The following PCDHGA8 variants were observed in gnomAD, a reference collection of about 807,000 sequenced individuals.
PCDHGA8 encodes protocadherin gamma-A8.
In PCDHGA8, 45 loss-of-function variants were observed where a neutral mutation model predicts 59.2. That is an observed-to-expected ratio of 0.76 (90% CI 0.60 to 0.98). PCDHGA8 has a LOEUF of 0.98. PCDHGA8 is among the 50% of genes least tolerant of loss of function. The pLI is 0.00. For missense variants in PCDHGA8, 1,257 were observed against 1,196.2 expected (o/e 1.05, Z -0.75); for synonymous variants, 531 against 519.0 (o/e 1.02, Z -0.32).
Position 141,404,333 on chromosome 5 carries a change from C to T in PCDHGA8, c.2424+9096C>T, listed in dbSNP as rs181615917. On this transcript the variant is annotated intron_variant, in intron 1 of 3. Transcript: ENST00000398604. ...CTCTCAAGCCTCCTACTCAGTCTACCTCCCGGAAAACAACGCCAGAGGTAC... is the reference window on the plus strand; with the variant it reads ...CTCTCAAGCCTCCTACTCAGTCTACTTCCCGGAAAACAACGCCAGAGGTAC... The T allele has an allele frequency of 3.8e-5, 62 of 1,613,854 alleles. No homozygotes were observed. The East Asian group carries it at 8.5e-4, about 22-fold the overall frequency.
chr5:141,408,527 G>T lies in PCDHGA8; in HGVS notation c.2424+13290G>T, dbSNP rs1239443007. ...AAGATGTGAGTTGCAATTGGAAGCT[G>T]TGGTGGAAAATCCTTTAAATATTTT... On this transcript the variant is annotated intron_variant, in intron 1 of 3. Coordinates refer to ENST00000398604, the MANE Select transcript of PCDHGA8 (RefSeq NM_032088.2). 2.5e-6 allele frequency: 4 copies of T among 1,613,954 alleles called. No homozygotes were observed. The African/African-American group carries it at 5.3e-5, about 22-fold the overall frequency.
intron 1 of PCDHGA8, among the ~76,000 whole-genome samples, chr5:141,401,848 T>C (rs1476670200): frequency 6.6e-6 from 1 of 152,230 alleles, no homozygotes; most frequent in Non-Finnish European, 1.5e-5. Flanking sequence ...TACCACTTAC[T>C]TTTAACCTTT....
intron 1 of PCDHGA8, chr5:141,423,612 T>G: frequency 6.2e-7 from 1 of 1,611,004 alleles, no homozygotes; most frequent in Non-Finnish European, 8.5e-7. Flanking sequence ...TCTTGATAGC[T>G]GAAGACTCAG....
At chr5:141,507,810 G>C (rs550331241) in intron 3 of PCDHGA8, among the ~76,000 whole-genome samples, 5 of 152,172 alleles carry the variant, frequency 3.3e-5, no homozygotes, top group Non-Finnish European at 2.9e-5. Context: ...CCTGGGGAAC[G>C]GACCCTGGGG....
In PCDHGA8 at chr5:141,512,809, A is replaced by C. The variant is rs2099884438; in HGVS notation, c.*1636A>C. ...GTGTTTTGTGCTGTGTCCACGCGCT[A>C]AGGCGACCCCCTCCCCCGTACTGAC... On this transcript the variant is annotated 3_prime_UTR_variant, in exon 4 of 4. Coordinates refer to ENST00000398604, the MANE Select transcript of PCDHGA8 (RefSeq NM_032088.2). 6.6e-6 allele frequency: 1 copy of C among 152,130 alleles called. No homozygotes were observed. The highest frequency in any genetic ancestry group is 2.4e-5 in the African/African-American group (1 of 41,404). The allele number at this position is 152,130 out of a possible 1,614,324, so 9.4% of individuals were successfully genotyped here. A position where few individuals can be genotyped will look rare whatever the true frequency, so the allele number is the denominator to read the frequency against.
chr5:141,501,635 T>G (rs553343946), intron 2 of PCDHGA8, among the ~76,000 whole-genome samples: 1 of 152,236 alleles, frequency 6.6e-6, no homozygotes, highest in African/African-American at 2.4e-5. Flanking sequence ...TCTCAACCTC[T>G]CTGAGCCCTG....
At chr5:141,419,182 C>T in intron 1 of PCDHGA8, 2 of 1,613,986 alleles carry the variant, frequency 1.2e-6, no homozygotes, top group Non-Finnish European at 1.7e-6. Context: ...TAACCCTGCA[C>T]ATTACTGACG....
At chr5:141,427,840 A>C (rs779622800) in intron 1 of PCDHGA8, 8 of 1,548,180 alleles carry the variant, frequency 5.2e-6, no homozygotes, top group Admixed American at 3.3e-5. Flanking sequence ...CGTGCCTTCG[A>C]CCACGAGCAG....
Position 141,478,910 on chromosome 5 carries a change from A to G in PCDHGA8, c.2425-15897A>G, listed in dbSNP as rs568573298. On this transcript the variant is annotated intron_variant, in intron 1 of 3. Transcript: ENST00000398604. ...ATTTACATTAGGAATAAGCTGCTGG[A>G]TACCTCTAACCAGTGGCAGCTTCTA... 5.3e-4 allele frequency: 474 copies of G among 893,806 alleles called. 7 individuals are homozygous for G. The South Asian group carries it at 6.8e-3, about 13-fold the overall frequency. 55.4% of individuals were successfully genotyped at this position (893,806 alleles called of 1,614,324 possible).
intron 1 of PCDHGA8, among the ~76,000 whole-genome samples, chr5:141,464,454 A>G (rs999305559): frequency 6.6e-6 from 1 of 151,542 alleles, no homozygotes; most frequent in Non-Finnish European, 1.5e-5. Context: ...TGTTGTTGTT[A>G]TTTTTGAAGT....
At chr5:141,494,991 G>A in intron 2 of PCDHGA8, 126 bp downstream of exon 2, 1 of 1,551,148 alleles carries the variant, frequency 6.4e-7, no homozygotes, top group Non-Finnish European at 8.7e-7. Context: ...AGATCCCAGG[G>A]AGGTCTTGGT....
chr5:141,468,315 C>T (rs1197043569), intron 1 of PCDHGA8: 4 of 120,552 alleles, frequency 3.3e-5, no homozygotes, highest in Non-Finnish European at 5.0e-5. Context: ...ACAAGAGCAA[C>T]GGTAAACTCC....
At chr5:141,461,281 C>T (rs1305044383) in intron 1 of PCDHGA8, among the ~76,000 whole-genome samples, 1 of 152,050 alleles carries the variant, frequency 6.6e-6, no homozygotes, top group Non-Finnish European at 1.5e-5. Flanking sequence ...CTCTTTTCCC[C>T]ACATCCACAC....
In PCDHGA8 at chr5:141,394,824, G is replaced by C. The variant is rs200702899; in HGVS notation, c.2011G>C (p.Val671Leu). The C allele has an allele frequency of 8.2e-4, 1,326 of 1,613,856 alleles. 15 individuals are homozygous for C. The highest frequency in any genetic ancestry group is 9.3e-4 in the Admixed American group (56 of 60,030). Reference protein sequence around the residue: ...TVAVADSIPEVLTELGSLKPS... With the variant: ...TVAVADSIPELLTELGSLKPS... ...AGCCGTGGCTGACAGCATCCCCGAA[G>C]TCCTGACCGAGTTGGGCAGTCTGAA... Residue 671 changes from valine to leucine, a missense_variant, in exon 1 of 4, where the codon GTC becomes CTC. Transcript: ENST00000398604.
At chr5:141,402,091 G>A (rs1453803021) in intron 1 of PCDHGA8, among the ~76,000 whole-genome samples, 2 of 152,204 alleles carry the variant, frequency 1.3e-5, no homozygotes, top group African/African-American at 4.8e-5. Context: ...TAGCAGAAAA[G>A]TTTAAGCAAT....
intron 1 of PCDHGA8, among the ~76,000 whole-genome samples, chr5:141,465,343 TG>T (rs1048302340): frequency 1.5e-4 from 23 of 152,118 alleles, no homozygotes; most frequent in African/African-American, 5.3e-4. Flanking sequence ...TATTGGTTAC[TG>T]AAGAAAAAAT....
intron 1 of PCDHGA8, chr5:141,410,195 G>T (rs769655902): frequency 1.2e-6 from 2 of 1,613,966 alleles, no homozygotes; most frequent in East Asian, 4.5e-5. Context: ...TCTGGTCTTC[G>T]CAGACAACTT....
At chr5:141,413,248 G>C in intron 1 of PCDHGA8, 1 of 1,613,962 alleles carries the variant, frequency 6.2e-7, no homozygotes, top group Non-Finnish European at 8.5e-7. Context: ...CCTTTTCTTC[G>C]GGATTCCATG....
intron 2 of PCDHGA8, among the ~76,000 whole-genome samples, chr5:141,502,408 G>A (rs1197275813): frequency 6.6e-6 from 1 of 151,782 alleles, no homozygotes; most frequent in Non-Finnish European, 1.5e-5. Context: ...CCCGAACCTG[G>A]ATTTGCTGGC....
Sources: allele counts gnomAD v4.1 joint callset (sites outside exome capture counted in the v4.1 genomes callset), GRCh38; gene constraint gnomAD v4.1.1; transcripts MANE v1.5; gene names NCBI Gene and HGNC (gene_info 2026-07-23, HGNC 2026-07-21).